ACAT1: variants seen among roughly 807,000 people sequenced by gnomAD.
The protein encoded by ACAT1 is acetyl-CoA acetyltransferase 1, also known as acetyl-CoA acetyltransferase, mitochondrial.
A neutral mutation model predicts 47.3 loss-of-function variants in ACAT1; 28 were observed. The ratio of observed to expected loss-of-function variants is 0.59; its 90% CI spans 0.44 to 0.81. ACAT1 has a LOEUF of 0.81. Ranked by LOEUF, ACAT1 falls within the 30% of genes least tolerant of loss-of-function variation. ACAT1 has a pLI of 0.00. For missense variants in ACAT1, 469 were observed against 524.3 expected, an observed-to-expected ratio of 0.89 and a Z score of 1.03; for synonymous variants, 181 against 173.6, an observed-to-expected ratio of 1.04 and a Z score of -0.34.
chr11:108,141,184 T>C (rs1428766299), intron 7 of ACAT1, among the ~76,000 whole-genome samples: 2 of 151,946 alleles, frequency 1.3e-5, no homozygotes, highest in African/African-American at 4.8e-5. Flanking sequence ...GCTAGGTTTG[T>C]AGCATTGCAC....
intron 7 of ACAT1, 81 bp from the exon 8 acceptor site, chr11:108,141,524 C>G: frequency 1.0e-6 from 1 of 998,310 alleles, no homozygotes; most frequent in Non-Finnish European, 1.5e-6. Context: ...GAGGCACAGA[C>G]TACTAGGCAT....
chr11:108,138,051 C>T (rs1024356460), intron 5 of ACAT1, among the ~76,000 whole-genome samples: 2 of 151,982 alleles, frequency 1.3e-5, no homozygotes, highest in African/African-American at 2.4e-5. Context: ...TGCAGTGGTG[C>T]GATCTTGGCT....
chr11:108,146,432 A>ATAAT, intron 11 of ACAT1, 73 bp downstream of exon 11: 2 of 1,541,306 alleles, frequency 1.3e-6, no homozygotes, highest in African/African-American at 1.4e-5. Flanking sequence ...AAACTGCTTC[A>ATAAT]TAATTCCCAT....
At chr11:108,136,136 C>G in intron 5 of ACAT1, 1 of 663,984 alleles carries the variant, frequency 1.5e-6, no homozygotes, top group Non-Finnish European at 2.7e-6. Context: ...CCTGGACACA[C>G]AGAAGAATCA....
In ACAT1 at chr11:108,131,808, G is replaced by C. The variant is rs1000831375; in HGVS notation, c.73-99G>C. The C allele has an allele frequency of 4.2e-5, 20 of 474,408 alleles. No homozygotes were observed. In the Admixed American group the frequency reaches 6.9e-4, roughly 16 times the overall value. The allele number at this position is 474,408 out of a possible 1,614,324, so 29.4% of individuals were successfully genotyped here. The stretch of plus-strand genomic sequence containing the variant: ...AAAAACTTGGAAATAAAAGCATAAG[G>C]ATGCAGGAAGAAACCACTATAACCT... On this transcript the variant is annotated intron_variant, in intron 1 of 11. Coordinates refer to ENST00000265838, the MANE Select transcript of ACAT1 (RefSeq NM_000019.4).
chr11:108,147,428 CAGA>C lies in ACAT1; in HGVS notation c.*41_*43del, dbSNP rs750365525. The C allele has an allele frequency of 3.1e-6, 5 of 1,593,118 alleles. No individual in the cohort carries two copies. Among genetic ancestry groups the C allele is most frequent in the Non-Finnish European group, 4.3e-6 (5 of 1,164,442 alleles). On this transcript the variant is annotated 3_prime_UTR_variant, in exon 12 of 12. Transcript: ENST00000265838. ...ATTTAAGGAGACAACCCTATGTGAC[CAGA>C]AGGCCTGCTGTAATCAGTGTGACTA...
chr11:108,120,157 G>A (rs574917461), upstream of ACAT1, among the ~76,000 whole-genome samples: 317 of 152,064 alleles, frequency 2.1e-3, 2 homozygotes, highest in Non-Finnish European at 4.0e-3. Flanking sequence ...AGTGAGTCAA[G>A]ATCGCGCCTG....
intron 10 of ACAT1, among the ~76,000 whole-genome samples, chr11:108,144,653 T>A (rs1266297353): frequency 6.6e-6 from 1 of 151,348 alleles, no homozygotes. Context: ...ATAAAAAAAA[T>A]TGCAGAATTT....
At chr11:108,118,289 C>A (rs533058336), upstream of ACAT1, among the ~76,000 whole-genome samples, 1 of 151,984 alleles carries the variant, frequency 6.6e-6, no homozygotes, top group Non-Finnish European at 1.5e-5. Flanking sequence ...TTTTAAAATA[C>A]AAACAAAAAT....
At chr11:108,120,096 G>A (rs1193649817), upstream of ACAT1, among the ~76,000 whole-genome samples, 4 of 152,068 alleles carry the variant, frequency 2.6e-5, no homozygotes, top group Non-Finnish European at 4.4e-5. Context: ...GCGTGCGCCT[G>A]TAATCCCAGC....
chr11:108,144,982 A>G (rs2077675109), intron 10 of ACAT1, among the ~76,000 whole-genome samples: 1 of 152,216 alleles, frequency 6.6e-6, no homozygotes, highest in African/African-American at 2.4e-5. Context: ...TGAGCTGTAT[A>G]GGCTAGAAAG....
At position 108,147,560 on chromosome 11, in the gene ACAT1, A is replaced by AAAAT. The variant is rs2077747085; in HGVS notation, c.*175_*178dup. 4 of 899,384 alleles carry AAAAT rather than the reference A, an allele frequency of 4.4e-6. No individual in the cohort carries two copies. Among genetic ancestry groups the AAAAT allele is most frequent in the Admixed American group, 2.9e-5 (1 of 34,732 alleles). 55.7% of individuals were successfully genotyped at this position (899,384 alleles called of 1,614,324 possible). A position where few individuals can be genotyped will look rare whatever the true frequency, so the allele number is the denominator to read the frequency against. Reference sequence around the variant, plus strand: ...GAAATCCCAAAACATTTTGAAATTAAAAATAAATTTCTTCTTCTGCTTTTT... The same window carrying AAAAT: ...GAAATCCCAAAACATTTTGAAATTAAAAATAAATAAATTTCTTCTTCTGCTTTTT... On this transcript the variant is annotated 3_prime_UTR_variant, in exon 12 of 12. Transcript: ENST00000265838.
At chr11:108,133,686 G>A (rs1591361824) in intron 2 of ACAT1, 134 bp from the exon 3 acceptor site, 2 of 720,956 alleles carry the variant, frequency 2.8e-6, no homozygotes, top group African/African-American at 3.6e-5. Flanking sequence ...TATCTTGACA[G>A]CTGTTCAACT....
chr11:108,141,992 CATA>C (rs2077597879), intron 8 of ACAT1, among the ~76,000 whole-genome samples: 1 of 151,708 alleles, frequency 6.6e-6, no homozygotes, highest in South Asian at 2.1e-4. Context: ...ATTTATATAC[CATA>C]ATAACATTCT....
intron 1 of ACAT1, among the ~76,000 whole-genome samples, chr11:108,126,299 G>A (rs528476162): frequency 2.6e-5 from 4 of 152,290 alleles, no homozygotes; most frequent in South Asian, 2.1e-4. Context: ...CACTAGGCCC[G>A]GCCTGAGGAG....
chr11:108,127,058 C>T (rs1233021869), intron 1 of ACAT1, among the ~76,000 whole-genome samples: 1 of 150,930 alleles, frequency 6.6e-6, no homozygotes, highest in East Asian at 2.0e-4. Context: ...CCTCGTGATC[C>T]GCCCCCCTCG....
At chr11:108,144,397 C>T (rs1337081109) in intron 10 of ACAT1, among the ~76,000 whole-genome samples, 1 of 151,984 alleles carries the variant, frequency 6.6e-6, no homozygotes, top group Non-Finnish European at 1.5e-5. Flanking sequence ...CTAGTCACTC[C>T]CCAGGAGAGG....
intron 1 of ACAT1, among the ~76,000 whole-genome samples, chr11:108,123,683 T>C (rs1380091848): frequency 1.3e-5 from 2 of 152,202 alleles, no homozygotes; most frequent in Non-Finnish European, 2.9e-5. Context: ...TCTTTGTTTT[T>C]TAATTATTTT....
Position 108,146,264 on chromosome 11 carries a change from T to C in ACAT1, c.1068T>C (p.Phe356=), listed in dbSNP as rs139657823. The change falls in exon 11 of 12, where the codon TTT becomes TTC. Residue 356 remains phenylalanine (F), a synonymous_variant. Coordinates refer to ENST00000265838, the MANE Select transcript of ACAT1 (RefSeq NM_000019.4). ...CAATGTGGGAAGTAAATGAAGCCTT[T>C]AGTCTGGTTGTACTAGCAAACATTA... ...DIAMWEVNEA[F]SLVVLANIKM... 922 of 1,613,808 alleles carry C rather than the reference T, an allele frequency of 5.7e-4. 5 individuals carry two copies. In the African/African-American group the frequency reaches 0.011, roughly 19 times the overall value.
Sources: gnomAD v4.1 joint callset for allele counts (sites outside exome capture counted in the v4.1 genomes callset) on GRCh38, gnomAD v4.1.1 for gene constraint, MANE v1.5 for transcripts, NCBI Gene and HGNC (gene_info 2026-07-23, HGNC 2026-07-21) for gene names.